The following CCDC171 variants were observed in gnomAD, a reference collection of about 807,000 sequenced individuals.
CCDC171 encodes the protein coiled-coil domain containing 171, also known as coiled-coil domain-containing protein 171.
Under a neutral mutation model 168.2 loss-of-function variants are expected in CCDC171, and 177 were observed. The ratio of observed to expected loss-of-function variants is 1.05; its 90% CI spans 0.93 to 1.19. The LOEUF (loss-of-function observed/expected upper bound fraction) is 1.19, where lower values mean the gene tolerates loss of function less well. CCDC171 is among the 50% of genes most tolerant of loss of function. The pLI is 0.00. For missense variants in CCDC171, 1,991 were observed against 1,539.0 expected (o/e 1.29, Z -4.91); for synonymous variants, 687 against 540.8 (o/e 1.27, Z -3.75).
At chr9:15,828,193 A>T (rs1287994503) in intron 21 of CCDC171, among the ~76,000 whole-genome samples, 1 of 152,174 alleles carries the variant, frequency 6.6e-6, no homozygotes, top group Admixed American at 6.5e-5. Context: ...AATTCTAGTG[A>T]GGAAATGCAT....
intron 24 of CCDC171, among the ~76,000 whole-genome samples, chr9:15,899,981 G>C (rs1277285085): frequency 6.6e-6 from 1 of 151,920 alleles, no homozygotes; most frequent in African/African-American, 2.4e-5. Flanking sequence ...AAGTTTCATA[G>C]CTTTATGTTT....
chr9:16,015,239 A>C (rs1832979844), intron 3 of CCDC171, among the ~76,000 whole-genome samples: 1 of 152,190 alleles, frequency 6.6e-6, no homozygotes, highest in South Asian at 2.1e-4. Context: ...TATGTAATGG[A>C]GATGGCTTCT....
intron 7 of CCDC171, among the ~76,000 whole-genome samples, chr9:15,647,206 G>A (rs958144521): frequency 3.3e-5 from 5 of 152,022 alleles, no homozygotes; most frequent in Non-Finnish European, 5.9e-5. Context: ...AAACCAACGA[G>A]AACAAAGACA....
intron 24 of CCDC171, among the ~76,000 whole-genome samples, chr9:15,898,920 G>C (rs1352090134): frequency 6.6e-6 from 1 of 152,072 alleles, no homozygotes; most frequent in Non-Finnish European, 1.5e-5. Flanking sequence ...GATACAGAAA[G>C]GTACCAACAA....
At chr9:15,675,740 C>A (rs2049501064) in intron 9 of CCDC171, among the ~76,000 whole-genome samples, 2 of 152,202 alleles carry the variant, frequency 1.3e-5, no homozygotes, top group Non-Finnish European at 2.9e-5. Flanking sequence ...GCCAAGAGAT[C>A]CGCTGTTAGT....
intron 11 of CCDC171, among the ~76,000 whole-genome samples, chr9:15,708,354 C>T (rs755387955): frequency 7.9e-5 from 12 of 152,106 alleles, no homozygotes; most frequent in East Asian, 1.9e-4. Flanking sequence ...ATATATAATA[C>T]GTAGTCAATA....
intron 11 of CCDC171, among the ~76,000 whole-genome samples, chr9:15,701,916 A>G (rs1011386514): frequency 6.6e-6 from 1 of 152,180 alleles, no homozygotes; most frequent in Non-Finnish European, 1.5e-5. Context: ...TTGTCAATAT[A>G]ATTTGCCCAG....
At chr9:15,841,684 A>G (rs927065091) in intron 21 of CCDC171, among the ~76,000 whole-genome samples, 7 of 152,014 alleles carry the variant, frequency 4.6e-5, no homozygotes, top group Non-Finnish European at 1.0e-4. Context: ...TATAAACTGT[A>G]CTATATACCA....
intron 16 of CCDC171, among the ~76,000 whole-genome samples, chr9:15,740,278 TCAC>T (rs1350723687): frequency 1.3e-5 from 2 of 152,194 alleles, no homozygotes; most frequent in Non-Finnish European, 2.9e-5. Flanking sequence ...TCCAGTTATT[TCAC>T]CACCATTTAG....
intron 5 of CCDC171, among the ~76,000 whole-genome samples, chr9:15,592,939 T>A (rs1027549434): frequency 1.3e-5 from 2 of 152,060 alleles, no homozygotes; most frequent in African/African-American, 4.8e-5. Context: ...TAGTTACATA[T>A]GTATACATGT....
the CCDC171 span, among the ~76,000 whole-genome samples, chr9:16,073,379 C>T: frequency 6.6e-6 from 1 of 152,240 alleles, no homozygotes; most frequent in East Asian, 1.9e-4. Flanking sequence ...TTTTAAATTC[C>T]AAGAGCTCTT....
chr9:16,047,185 T>C (rs1247922061), intron 1 of CCDC171, among the ~76,000 whole-genome samples: 1 of 152,130 alleles, frequency 6.6e-6, no homozygotes, highest in Non-Finnish European at 1.5e-5. Flanking sequence ...GGGGGTGGCA[T>C]TTTCATCCAA....
Position 15,910,523 on chromosome 9 carries a change from T to C in CCDC171, c.3601-9747T>C, listed in dbSNP as rs148835497. On this transcript the variant is annotated intron_variant, in intron 24 of 25. Transcript: ENST00000380701. Reference sequence around the variant, plus strand: ...GTGATGTCTCTAGCTTTGTTCTTTTTGCTTAGGATTGCTTTGGCTATTAGG... The same window carrying C: ...GTGATGTCTCTAGCTTTGTTCTTTTCGCTTAGGATTGCTTTGGCTATTAGG... Among the ~76,000 whole-genome samples the C allele has an allele frequency of 8.5e-5, 13 of 152,282 alleles. No homozygotes were observed. The East Asian group carries it at 2.3e-3, about 27-fold the overall frequency.
intron 3 of CCDC171, among the ~76,000 whole-genome samples, chr9:16,007,758 T>A (rs1370104791): frequency 6.6e-6 from 1 of 152,214 alleles, no homozygotes; most frequent in African/African-American, 2.4e-5. Flanking sequence ...GTGGTATTAT[T>A]TCTGAGGGCT....
rs551562856 is a variant in CCDC171, at chr9:15,905,788, A to C, written c.3601-14482A>C. ...GATAGACTGCTAGCAAGACTAATAA[A>C]GAAGAAAAGAGAGAAGAATCAAACA... On this transcript the variant is annotated intron_variant, in intron 24 of 25. Coordinates refer to ENST00000380701, the MANE Select transcript of CCDC171 (RefSeq NM_173550.4). Among the ~76,000 whole-genome samples the C allele has an allele frequency of 4.5e-4, 68 of 152,356 alleles. No homozygotes were observed. The South Asian group carries it at 5.6e-3, about 13-fold the overall frequency.
downstream of CCDC171, chr9:16,061,614 C>T (rs1053438412): frequency 6.6e-6 from 1 of 152,180 alleles, no homozygotes; most frequent in Non-Finnish European, 1.5e-5. Context: ...AATGATAACA[C>T]TAATGCTAAT....
chr9:15,685,921 A>G (rs529911013), intron 10 of CCDC171, among the ~76,000 whole-genome samples: 1 of 152,170 alleles, frequency 6.6e-6, no homozygotes, highest in Non-Finnish European at 1.5e-5. Flanking sequence ...TTTCAGGTAG[A>G]TGAACATTAG....
chr9:15,679,068 A>C (rs887275519), intron 10 of CCDC171, among the ~76,000 whole-genome samples, 172 bp downstream of exon 10: 2 of 152,208 alleles, frequency 1.3e-5, no homozygotes, highest in Non-Finnish European at 2.9e-5. Flanking sequence ...AGATACACAT[A>C]ATGAAACCTC....
intron 23 of CCDC171, among the ~76,000 whole-genome samples, chr9:15,855,749 C>G (rs1271493534): frequency 1.3e-5 from 2 of 151,810 alleles, no homozygotes; most frequent in Non-Finnish European, 2.9e-5. Flanking sequence ...TAATTAACAT[C>G]TTAATTCAAA....
Sources: allele counts gnomAD v4.1 joint callset (sites outside exome capture counted in the v4.1 genomes callset), GRCh38; gene constraint gnomAD v4.1.1; transcripts MANE v1.5; gene names NCBI Gene and HGNC (gene_info 2026-07-23, HGNC 2026-07-21).